NTRK2: variants seen among roughly 807,000 people sequenced by gnomAD.
NTRK2 encodes neurotrophic receptor tyrosine kinase 2, also known as BDNF/NT-3 growth factors receptor.
Under a neutral mutation model 94.5 loss-of-function variants are expected in NTRK2, and 13 were observed. That is an observed-to-expected ratio of 0.14 (90% CI 0.09 to 0.22). NTRK2 has a LOEUF of 0.22. Ranked by LOEUF, NTRK2 falls within the 10% of genes least tolerant of loss-of-function variation. The pLI, the probability that NTRK2 is intolerant of heterozygous loss-of-function variation, is 1.00. For synonymous variants in NTRK2, 372 were observed against 407.4 expected, an observed-to-expected ratio of 0.91 and a Z score of 1.05; for missense variants, 639 against 1,071.2, an observed-to-expected ratio of 0.60 and a Z score of 5.63.
At chr9:84,709,705 T>C (rs1464247556) in intron 5 of NTRK2, among the ~76,000 whole-genome samples, 2 of 152,228 alleles carry the variant, frequency 1.3e-5, no homozygotes, top group African/African-American at 4.8e-5. Context: ...CGATTTTAAA[T>C]GGCCTCATTT....
At chr9:84,856,171 G>C (rs564671555) in intron 12 of NTRK2, among the ~76,000 whole-genome samples, 1 of 152,298 alleles carries the variant, frequency 6.6e-6, no homozygotes, top group East Asian at 1.9e-4. Context: ...TTGTAAGTTT[G>C]ATGAAGGACA....
intron 15 of NTRK2, among the ~76,000 whole-genome samples, chr9:84,935,347 C>T (rs979310917): frequency 6.6e-6 from 1 of 152,150 alleles, no homozygotes; most frequent in African/African-American, 2.4e-5. Context: ...TGTTTCAGTA[C>T]ATACATAATG....
At chr9:84,821,238 A>G (rs887594879) in intron 12 of NTRK2, among the ~76,000 whole-genome samples, 1 of 151,934 alleles carries the variant, frequency 6.6e-6, no homozygotes, top group Non-Finnish European at 1.5e-5. Context: ...AAAATTTTCA[A>G]ATTGGTTGGG....
intron 14 of NTRK2, chr9:84,876,311 G>C (rs1182937835): frequency 2.1e-5 from 22 of 1,047,594 alleles, no homozygotes; most frequent in Non-Finnish European, 2.4e-5. Context: ...TACATGAAAT[G>C]TCTGCTTATA....
chr9:84,684,059 A>T (rs1172598867), intron 2 of NTRK2, among the ~76,000 whole-genome samples: 1 of 151,540 alleles, frequency 6.6e-6, no homozygotes, highest in African/African-American at 2.4e-5. Flanking sequence ...TTTTCTTGTA[A>T]ATTTGTTTAA....
intron 2 of NTRK2, among the ~76,000 whole-genome samples, chr9:84,681,465 T>C (rs2059386769): frequency 6.6e-6 from 1 of 152,164 alleles, no homozygotes; most frequent in Non-Finnish European, 1.5e-5. Context: ...CAACAAATAT[T>C]GATTGGGGTC....
chr9:84,917,378 A>G (rs1414536699), intron 14 of NTRK2, among the ~76,000 whole-genome samples: 2 of 152,206 alleles, frequency 1.3e-5, no homozygotes. Context: ...GTGGGATGAC[A>G]GCCCATAAGC....
chr9:84,936,855 T>A (rs899717576), intron 15 of NTRK2, among the ~76,000 whole-genome samples: 4 of 152,068 alleles, frequency 2.6e-5, no homozygotes, highest in Non-Finnish European at 5.9e-5. Flanking sequence ...TGACCTTACA[T>A]GTGAATTTTT....
At chr9:84,708,602 A>G (rs1392207718) in intron 5 of NTRK2, among the ~76,000 whole-genome samples, 2 of 152,220 alleles carry the variant, frequency 1.3e-5, no homozygotes, top group Non-Finnish European at 2.9e-5. Context: ...GGCACCTCAA[A>G]GCATCCTAAT....
intron 16 of NTRK2, 99 bp downstream of exon 16, chr9:84,948,733 C>A: frequency 1.0e-6 from 1 of 989,492 alleles, no homozygotes; most frequent in Non-Finnish European, 1.5e-6. Context: ...CTGGACCTTT[C>A]TCGAAGCATC....
At chr9:84,742,231 G>A (rs541403840) in intron 10 of NTRK2, among the ~76,000 whole-genome samples, 1 of 152,274 alleles carries the variant, frequency 6.6e-6, no homozygotes, top group South Asian at 2.1e-4. Context: ...AAAAGCCATG[G>A]CTACCAAGAA....
At chr9:84,715,316 T>C (rs1476842250) in intron 6 of NTRK2, among the ~76,000 whole-genome samples, 1 of 152,232 alleles carries the variant, frequency 6.6e-6, no homozygotes, top group African/African-American at 2.4e-5. Context: ...ATTTTTATCT[T>C]GATGGCATTT....
intron 14 of NTRK2, among the ~76,000 whole-genome samples, chr9:84,910,288 C>A (rs908791122): frequency 9.2e-5 from 14 of 152,174 alleles, no homozygotes; most frequent in African/African-American, 3.4e-4. Flanking sequence ...AGCTGGAAAT[C>A]TGAAACCAGT....
intron 12 of NTRK2, among the ~76,000 whole-genome samples, chr9:84,835,155 T>G (rs2073798591): frequency 1.3e-5 from 2 of 152,170 alleles, no homozygotes; most frequent in Non-Finnish European, 2.9e-5. Flanking sequence ...TCTGGGAGCT[T>G]GAATTCACCT....
chr9:84,850,512 A>G (rs144597387), intron 12 of NTRK2, among the ~76,000 whole-genome samples: 1 of 152,302 alleles, frequency 6.6e-6, no homozygotes, highest in Non-Finnish European at 1.5e-5. Flanking sequence ...ATGTTATTGA[A>G]GAGTTTGGAC....
At position 84,873,473 on chromosome 9, in the gene NTRK2, A is replaced by G; in HGVS notation, c.1633+6042A>G. The G allele has an allele frequency of 7.5e-6, 8 of 1,059,740 alleles. No individual in the cohort carries two copies. The Admixed American group carries it at 1.6e-4, about 21-fold the overall frequency. 65.6% of individuals were successfully genotyped at this position (1,059,740 alleles called of 1,614,324 possible). On this transcript the variant is annotated intron_variant, in intron 14 of 18. Transcript: ENST00000277120. ...CATTGCTGCTGTTCTGCAGGTCCCA[A>G]TACAATTCCTTCCCCCTCTCAGTGC...
chr9:84,780,146 GA>G (rs908818320), intron 12 of NTRK2, among the ~76,000 whole-genome samples: 1 of 151,536 alleles, frequency 6.6e-6, no homozygotes, highest in South Asian at 2.1e-4. Flanking sequence ...TACAAGGGAA[GA>G]AAAAAAACCT....
intron 14 of NTRK2, among the ~76,000 whole-genome samples, chr9:84,884,760 G>T (rs1022062621): frequency 6.6e-6 from 1 of 152,204 alleles, no homozygotes; most frequent in African/African-American, 2.4e-5. Flanking sequence ...TAGTGCTTAT[G>T]ATGCTTGAAC....
intron 17 of NTRK2, among the ~76,000 whole-genome samples, chr9:84,989,403 T>A (rs2133301816): frequency 6.6e-6 from 1 of 152,364 alleles, no homozygotes; most frequent in East Asian, 1.9e-4. Flanking sequence ...CCAGGTATTA[T>A]ACTTCCATCC....
Sources: allele counts gnomAD v4.1 joint callset (sites outside exome capture counted in the v4.1 genomes callset), GRCh38; gene constraint gnomAD v4.1.1; transcripts MANE v1.5; gene names NCBI Gene and HGNC (gene_info 2026-07-23, HGNC 2026-07-21).